RNF144A: variants seen among roughly 807,000 people sequenced by gnomAD.
RNF144A encodes the protein E3 ubiquitin-protein ligase RNF144A.
RNF144A carries 11 observed loss-of-function variants against 38.7 expected under a neutral mutation model. That is an observed-to-expected ratio of 0.28 (90% CI 0.18 to 0.47). The LOEUF (loss-of-function observed/expected upper bound fraction) is 0.47. Among genes scored for constraint, RNF144A ranks in the 20% least tolerant of loss-of-function variants. The probability of loss-of-function intolerance (pLI) is 0.99; values close to 1 mark genes in which losing one functional copy is unlikely to be tolerated. For synonymous variants in RNF144A, 149 were observed against 143.9 expected, an observed-to-expected ratio of 1.04 and a Z score of -0.25; for missense variants, 316 against 377.2, an observed-to-expected ratio of 0.84 and a Z score of 1.34.
chr2:6,990,856 A>T (rs1028833501), intron 2 of RNF144A, among the ~76,000 whole-genome samples: 1 of 152,000 alleles, frequency 6.6e-6, no homozygotes, highest in African/African-American at 2.4e-5. Context: ...CTTCCTCTCC[A>T]TGATCCCTGG....
chr2:6,918,339 GT>G (rs1264489894), intron 1 of RNF144A: 1 of 152,550 alleles, frequency 6.6e-6, no homozygotes, highest in Non-Finnish European at 1.5e-5. Flanking sequence ...GCTCCCAGCT[GT>G]TTGGTCGCTT....
At chr2:6,945,296 CAG>C (rs750889245) in intron 2 of RNF144A, among the ~76,000 whole-genome samples, 114 of 152,232 alleles carry the variant, frequency 7.5e-4, no homozygotes, top group Non-Finnish European at 1.4e-3. Context: ...GAAATGGAAA[CAG>C]AGATGCTCTT....
downstream of RNF144A, among the ~76,000 whole-genome samples, chr2:7,045,157 A>T (rs549915304): frequency 6.6e-6 from 1 of 152,332 alleles, no homozygotes; most frequent in African/African-American, 2.4e-5. Context: ...CAACAAGCGC[A>T]CAGAGTTTGG....
At chr2:6,946,933 TCTG>T (rs1407798459) in intron 2 of RNF144A, among the ~76,000 whole-genome samples, 1 of 152,204 alleles carries the variant, frequency 6.6e-6, no homozygotes, top group African/African-American at 2.4e-5. Flanking sequence ...TGTGGGAAGA[TCTG>T]CTGATTAAGT....
In RNF144A at chr2:6,944,042, A is replaced by T. The variant is rs1293678367; in HGVS notation, c.-12+2895A>T. The stretch of plus-strand genomic sequence containing the variant: ...TGATCTTTTGGCCAAGCTGAGAGGG[A>T]CACAGTGAAAGAATGGCTGGAATTG... On this transcript the variant is annotated intron_variant, in intron 2 of 8. Coordinates refer to ENST00000320892, the MANE Select transcript of RNF144A (RefSeq NM_014746.6). This position sits in a 1 kb window ranked among gnomAD's most constrained non-coding sequence, Gnocchi z 4.7. Among the ~76,000 whole-genome samples, 1 of 152,140 alleles carries T rather than the reference A, an allele frequency of 6.6e-6. No homozygotes were observed. Among genetic ancestry groups the T allele is most frequent in the Non-Finnish European group, 1.5e-5 (1 of 68,016 alleles).
In RNF144A at chr2:6,943,422, G is replaced by A. The variant is rs1460949250; in HGVS notation, c.-12+2275G>A. 6.6e-6 allele frequency among the ~76,000 whole-genome samples: 1 copy of A among 152,232 alleles called. No individual in the cohort carries two copies. The highest frequency in any genetic ancestry group is 1.5e-5 in the Non-Finnish European group (1 of 68,044). ...ATGCAGGGGAGGAAGTGGAGACAGG[G>A]ATTGTAGACAACTCAGTTGAGCTTT... is the stretch of plus-strand genomic sequence containing the variant. On this transcript the variant is annotated intron_variant, in intron 2 of 8. Coordinates refer to ENST00000320892, the MANE Select transcript of RNF144A (RefSeq NM_014746.6). The surrounding 1 kb of genome is among the most constrained non-coding windows in gnomAD (Gnocchi z 4.3).
At chr2:6,999,186 T>C (rs1268439275) in intron 3 of RNF144A, among the ~76,000 whole-genome samples, 2 of 152,178 alleles carry the variant, frequency 1.3e-5, no homozygotes, top group Non-Finnish European at 2.9e-5. Context: ...AGTGACACTG[T>C]GGTGATTTTT....
intron 6 of RNF144A, among the ~76,000 whole-genome samples, chr2:7,056,696 C>A (rs542568249): frequency 3.9e-5 from 6 of 152,250 alleles, no homozygotes; most frequent in South Asian, 2.1e-4. Flanking sequence ...GTTAGGGAAT[C>A]CCCACTACAC....
intron 5 of RNF144A, among the ~76,000 whole-genome samples, chr2:7,019,423 C>T (rs1356155051): frequency 6.6e-6 from 1 of 152,196 alleles, no homozygotes; most frequent in Non-Finnish European, 1.5e-5. Flanking sequence ...GCGGGAGCTG[C>T]CCGGCGGCCA....
At chr2:7,031,817 C>T (rs1672322835) in intron 8 of RNF144A, among the ~76,000 whole-genome samples, 4 of 152,258 alleles carry the variant, frequency 2.6e-5, no homozygotes. Flanking sequence ...GCTGAGCATT[C>T]TTGGCCTCGC....
chr2:7,021,323 A>G (rs1458684956), intron 6 of RNF144A, among the ~76,000 whole-genome samples: 1 of 152,060 alleles, frequency 6.6e-6, no homozygotes, highest in Non-Finnish European at 1.5e-5. Flanking sequence ...ATCCTCATAG[A>G]GGAGCTGCCA....
At chr2:6,999,342 C>A (rs1425596790) in intron 3 of RNF144A, among the ~76,000 whole-genome samples, 1 of 152,168 alleles carries the variant, frequency 6.6e-6, no homozygotes, top group African/African-American at 2.4e-5. Context: ...GCTTTGGTGG[C>A]GCCTTCCCCT....
chr2:7,071,508 T>C (rs1194709546), downstream of RNF144A, among the ~76,000 whole-genome samples: 2 of 152,186 alleles, frequency 1.3e-5, no homozygotes, highest in African/African-American at 4.8e-5. Flanking sequence ...TTGGCCTGAG[T>C]TATTTACATT....
chr2:6,963,379 A>G (rs1667463282), intron 2 of RNF144A, among the ~76,000 whole-genome samples: 1 of 152,170 alleles, frequency 6.6e-6, no homozygotes, highest in African/African-American at 2.4e-5. Flanking sequence ...TCCTTAATGG[A>G]CTGATGAACC....
At chr2:6,975,537 A>G (rs1349395242) in intron 2 of RNF144A, among the ~76,000 whole-genome samples, 1 of 152,214 alleles carries the variant, frequency 6.6e-6, no homozygotes, top group African/African-American at 2.4e-5. Flanking sequence ...AATCTTGGAT[A>G]TTCGGCCAGA....
At chr2:7,020,168 G>C (rs1446782697) in intron 5 of RNF144A, among the ~76,000 whole-genome samples, 2 of 152,188 alleles carry the variant, frequency 1.3e-5, no homozygotes, top group South Asian at 4.1e-4. Context: ...TGAGCTGTGA[G>C]CTGAGTGTCA....
At position 7,014,571 on chromosome 2, in the gene RNF144A, G is replaced by C; in HGVS notation, c.240+13G>C. ...ACAGGAGAACGAGGCATGTGCAATT[G>C]AACAGACTGGGCTGTTTGATGTGCA... On this transcript the variant is annotated intron_variant, in intron 4 of 8. Coordinates refer to ENST00000320892, the MANE Select transcript of RNF144A (RefSeq NM_014746.6). The C allele has an allele frequency of 6.3e-7, 1 of 1,582,152 alleles. No homozygotes were observed. The highest frequency in any genetic ancestry group is 8.6e-7 in the Non-Finnish European group (1 of 1,159,028).
intron 6 of RNF144A, 136 bp downstream of exon 6, chr2:7,020,816 A>G: frequency 1.4e-6 from 1 of 710,606 alleles, no homozygotes; most frequent in Non-Finnish European, 2.4e-6. Flanking sequence ...GTACCTCTTG[A>G]GCCTCACTCA....
Position 7,043,969 on chromosome 2 carries a change from C to T in RNF144A, c.*4209C>T, listed in dbSNP as rs1673198878. 2.4e-5 allele frequency: 24 copies of T among 985,840 alleles called. No individual in the cohort carries two copies. Among genetic ancestry groups the T allele is most frequent in the Non-Finnish European group, 2.7e-5 (22 of 829,906 alleles). 61.1% of individuals were successfully genotyped at this position (985,840 alleles called of 1,614,324 possible). A position where few individuals can be genotyped will look rare whatever the true frequency, so the allele number is the denominator to read the frequency against. ...GATTTGTGTTTTTGAAATGTCAGTACATTTTGTGCCACTAACACTGTGATG... is the reference window on the plus strand; with the variant it reads ...GATTTGTGTTTTTGAAATGTCAGTATATTTTGTGCCACTAACACTGTGATG... On this transcript the variant is annotated 3_prime_UTR_variant, in exon 9 of 9. Coordinates refer to ENST00000320892, the MANE Select transcript of RNF144A (RefSeq NM_014746.6).
Sources: allele counts gnomAD v4.1 joint callset (sites outside exome capture counted in the v4.1 genomes callset), GRCh38; gene constraint gnomAD v4.1.1; non-coding constraint Gnocchi (gnomAD v3.1); transcripts MANE v1.5; gene names NCBI Gene and HGNC (gene_info 2026-07-23, HGNC 2026-07-21).